The following DHH variants were observed in gnomAD, a reference collection of about 807,000 sequenced individuals.
DHH encodes desert hedgehog signaling molecule.
Under a neutral mutation model 27.6 loss-of-function variants are expected in DHH, and 16 were observed. The observed-to-expected ratio is 0.58, with a 90% CI of 0.39 to 0.88. DHH has a LOEUF of 0.88. Ranked by LOEUF, DHH falls within the 40% of genes least tolerant of loss-of-function variation. The pLI is 0.00. For missense variants in DHH, 436 were observed against 563.1 expected (o/e 0.77, Z 2.28); for synonymous variants, 289 against 263.4 (o/e 1.10, Z -0.94).
chr12:49,091,080 G>T lies in DHH; in HGVS notation c.565+48C>A. 1 of 1,613,842 alleles carries T rather than the reference G, an allele frequency of 6.2e-7. No individual in the cohort carries two copies. Among genetic ancestry groups the T allele is most frequent in the Non-Finnish European group, 8.5e-7 (1 of 1,179,802 alleles). ...AGTACTACTGCAGACTCAGTTTCCC[G>T]GAGGGAGCCCCCTTTGGGCGGATTT... On this transcript the variant is annotated intron_variant, in intron 2 of 2. Transcript: ENST00000649637. The surrounding 1 kb of genome is among the most constrained non-coding windows in gnomAD (Gnocchi z 4.8).
In DHH at chr12:49,087,258, G is replaced by A. The variant is rs933277900; in HGVS notation, c.*2601C>T. 1.3e-5 allele frequency among the ~76,000 whole-genome samples: 2 copies of A among 151,886 alleles called. No individual in the cohort carries two copies. Among genetic ancestry groups the A allele is most frequent in the Non-Finnish European group, 2.9e-5 (2 of 67,980 alleles). ...TAAAGATAATAAAGGGAGGAAGTGA[G>A]GGTTGAGAGGTAAGCCTCAAGCCTA... On this transcript the variant is annotated 3_prime_UTR_variant, in exon 3 of 3. Coordinates refer to ENST00000649637, the MANE Select transcript of DHH (RefSeq NM_021044.4).
Position 49,089,686 on chromosome 12 carries a change from G to C in DHH, c.*173C>G. The C allele has an allele frequency of 1.2e-6, 1 of 800,186 alleles. No homozygotes were observed. Among genetic ancestry groups the C allele is most frequent in the Non-Finnish European group, 1.8e-6 (1 of 549,384 alleles). 49.6% of individuals were successfully genotyped at this position (800,186 alleles called of 1,614,324 possible). ...ATCAGCCCTACCTACCTAGGACCCG[G>C]TATCACCTCCTCTCAGTACGAGGTT... On this transcript the variant is annotated 3_prime_UTR_variant, in exon 3 of 3. Coordinates refer to ENST00000649637, the MANE Select transcript of DHH (RefSeq NM_021044.4).
rs919294633 is a variant in DHH, at chr12:49,087,424, T to C, written c.*2435A>G. The stretch of plus-strand genomic sequence containing the variant: ...TTAAAGGTTAAAACTGTAAGATATA[T>C]GTATTACTGCTGGGCACAGGGGCTC... On this transcript the variant is annotated 3_prime_UTR_variant, in exon 3 of 3. Transcript: ENST00000649637. Among the ~76,000 whole-genome samples the C allele has an allele frequency of 6.6e-6, 1 of 152,194 alleles. No individual in the cohort carries two copies. The highest frequency in any genetic ancestry group is 1.5e-5 in the Non-Finnish European group (1 of 68,022).
rs1939299413 is a variant in DHH at position 49,091,330 on chromosome 12, C to G, written c.363G>C (p.Val121=). 3.7e-6 allele frequency: 6 copies of G among 1,614,232 alleles called. No homozygotes were observed. The highest frequency in any genetic ancestry group is 5.1e-6 in the Non-Finnish European group (6 of 1,180,040). ...AIAVMNMWPG[V]RLRVTEGWDE... ...CCCAGCCCTCAGTCACTCGTAGGCG[C>G]ACTCCGGGCCACATGTTCATCACGG... The change falls in exon 2 of 3, where the codon GTG becomes GTC. Residue 121 remains valine (V), a synonymous_variant. Coordinates refer to ENST00000649637, the MANE Select transcript of DHH (RefSeq NM_021044.4). The surrounding 1 kb of genome is among the most constrained non-coding windows in gnomAD (Gnocchi z 4.8).
chr12:49,090,061 G>T lies in DHH; in HGVS notation c.989C>A (p.Ala330Glu), dbSNP rs748134770. Residue 330 changes from alanine to glutamate, a missense_variant, in exon 3 of 3, where the codon GCG (alanine) becomes GAG (glutamate). Coordinates refer to ENST00000649637, the MANE Select transcript of DHH (RefSeq NM_021044.4). This position sits in a 1 kb window ranked among gnomAD's most constrained non-coding sequence, Gnocchi z 5.2. ...EAVGVFAPLT[A>E]HGTLLVNDVL... is the part of the protein sequence containing the mutation. The stretch of plus-strand genomic sequence containing the variant: ...ATCGTTCACCAGCAGCGTCCCGTGC[G>T]CGGTGAGCGGCGCGAACACGCCCAC... 1.9e-6 allele frequency: 3 copies of T among 1,539,738 alleles called. No homozygotes were observed. The Admixed American group carries it at 6.0e-5, about 31-fold the overall frequency.
At position 49,087,118 on chromosome 12, in the gene DHH, G is replaced by A. The variant is rs1187244539; in HGVS notation, c.*2741C>T. 6.6e-6 allele frequency among the ~76,000 whole-genome samples: 1 copy of A among 151,982 alleles called. No homozygotes were observed. Among genetic ancestry groups the A allele is most frequent in the South Asian group, 2.1e-4 (1 of 4,818 alleles). ...GTGAAAGGTGCTGCAATTGGGAGGTGTTGCATGGCCAAGTGAATATGCCCA... is the reference window on the plus strand; with the variant it reads ...GTGAAAGGTGCTGCAATTGGGAGGTATTGCATGGCCAAGTGAATATGCCCA... On this transcript the variant is annotated 3_prime_UTR_variant, in exon 3 of 3. Coordinates refer to ENST00000649637, the MANE Select transcript of DHH (RefSeq NM_021044.4).
rs1939369351 is a variant in DHH at position 49,094,573 on chromosome 12, T to C, written c.-61A>G. On this transcript the variant is annotated 5_prime_UTR_variant, in exon 1 of 3. Coordinates refer to ENST00000649637, the MANE Select transcript of DHH (RefSeq NM_021044.4). Reference sequence around the variant, plus strand: ...TGTCCTCACTAACTCTCCTGTCAGTTAGGCATCTCCACAGGCACCAGAGAG... The same window carrying C: ...TGTCCTCACTAACTCTCCTGTCAGTCAGGCATCTCCACAGGCACCAGAGAG... The C allele has an allele frequency of 3.3e-6, 5 of 1,526,796 alleles. No homozygotes were observed. The Middle Eastern group carries it at 5.3e-4, about 163-fold the overall frequency. 94.6% of individuals were successfully genotyped at this position (1,526,796 alleles called of 1,614,324 possible).
rs934343466 is a variant in DHH at position 49,091,756 on chromosome 12, A to G, written c.304-367T>C. Among the ~76,000 whole-genome samples the G allele has an allele frequency of 2.0e-5, 3 of 152,066 alleles. No homozygotes were observed. Among genetic ancestry groups the G allele is most frequent in the African/African-American group, 7.2e-5 (3 of 41,416 alleles). Reference sequence around the variant, plus strand: ...AGGGAGGGCCTGGTTGCTCCCGGAGAGCCCCTGTTTGAGCCTGGCCCCCGC... The same window carrying G: ...AGGGAGGGCCTGGTTGCTCCCGGAGGGCCCCTGTTTGAGCCTGGCCCCCGC... On this transcript the variant is annotated intron_variant, in intron 1 of 2. Transcript: ENST00000649637. The surrounding 1 kb of genome is among the most constrained non-coding windows in gnomAD (Gnocchi z 4.8).
Position 49,091,395 on chromosome 12 carries a change from G to C in DHH, c.304-6C>G. The C allele has an allele frequency of 6.2e-7, 1 of 1,613,860 alleles. No homozygotes were observed. The highest frequency in any genetic ancestry group is 8.5e-7 in the Non-Finnish European group (1 of 1,179,998). ...TTCACCCGCTCCTTACAACGCTGGCGGGGAATAAAGGAGTCAGTCTCCCCA... is the reference window on the plus strand; with the variant it reads ...TTCACCCGCTCCTTACAACGCTGGCCGGGAATAAAGGAGTCAGTCTCCCCA... On this transcript the variant is annotated splice_region_variant and splice_polypyrimidine_tract_variant and intron_variant, in intron 1 of 2. Coordinates refer to ENST00000649637, the MANE Select transcript of DHH (RefSeq NM_021044.4). The surrounding 1 kb of genome is among the most constrained non-coding windows in gnomAD (Gnocchi z 4.8).
chr12:49,094,072 C>T (rs1592187447), intron 1 of DHH, 138 bp downstream of exon 1: 2 of 980,360 alleles, frequency 2.0e-6, no homozygotes, highest in East Asian at 5.2e-5. Flanking sequence ...GATTTTTCCC[C>T]CCCCTGGGGC....
At chr12:49,092,556 A>C (rs1367183100) in intron 1 of DHH, among the ~76,000 whole-genome samples, 1 of 152,096 alleles carries the variant, frequency 6.6e-6, no homozygotes, top group Non-Finnish European at 1.5e-5. Context: ...TAACAGAAAG[A>C]CACTTTTCCC....
Position 49,090,129 on chromosome 12 carries a change from C to G in DHH, c.921G>C (p.Ala307=). The change falls in exon 3 of 3, where the codon GCG becomes GCC. Residue 307 remains alanine, a synonymous_variant. Coordinates refer to ENST00000649637, the MANE Select transcript of DHH (RefSeq NM_021044.4). The surrounding 1 kb of genome is among the most constrained non-coding windows in gnomAD (Gnocchi z 5.2). ...GDSVLAPGGD[A]LRPARVARVA... ...CACGGGCCACGCGCGCTGGCCGAAG[C>G]GCATCCCCGCCGGGCGCCAGCACCG... 1.3e-6 allele frequency: 2 copies of G among 1,506,954 alleles called. No individual in the cohort carries two copies. Among genetic ancestry groups the G allele is most frequent in the Non-Finnish European group, 8.9e-7 (1 of 1,128,658 alleles). The allele number at this position is 1,506,954 out of a possible 1,614,324, so 93.3% of individuals were successfully genotyped here.
Position 49,090,401 on chromosome 12 carries a change from G to T in DHH, c.649C>A (p.Arg217=), listed in dbSNP as rs765953413. Residue 217 remains arginine (R), a synonymous_variant, in exon 3 of 3, where the codon CGG becomes AGG. Transcript: ENST00000649637. This position sits in a 1 kb window ranked among gnomAD's most constrained non-coding sequence, Gnocchi z 5.2. ...RLWSGERKGL[R]ELHRGDWVLA... ...ACCCAGTCTCCGCGGTGCAGTTCCC[G>T]CAGCCCTTTCCGCTCGCCGCTCCAC... The T allele has an allele frequency of 1.9e-6, 3 of 1,609,504 alleles. No homozygotes were observed. The highest frequency in any genetic ancestry group is 1.3e-5 in the African/African-American group (1 of 74,910).
At position 49,089,813 on chromosome 12, in the gene DHH, G is replaced by C. The variant is rs753062426; in HGVS notation, c.*46C>G. 2.8e-5 allele frequency: 42 copies of C among 1,482,782 alleles called. 1 individual carries two copies. The East Asian group carries it at 1.1e-3, about 38-fold the overall frequency. 91.9% of individuals were successfully genotyped at this position (1,482,782 alleles called of 1,614,324 possible). A position where few individuals can be genotyped will look rare whatever the true frequency, so the allele number is the denominator to read the frequency against. On this transcript the variant is annotated 3_prime_UTR_variant, in exon 3 of 3. Transcript: ENST00000649637. ...CCACAGCCCCATATCTCAGCCAGCA[G>C]GCCCTCGTTTCCTCGGGCGCTTCGA...
In DHH at chr12:49,090,220, C is replaced by G; in HGVS notation, c.830G>C (p.Arg277Pro). Residue 277 changes from arginine to proline, a missense_variant, in exon 3 of 3, where the codon CGA (arginine) becomes CCA (proline). Arg to Pro is a moderately radical substitution (Grantham distance 103). Coordinates refer to ENST00000649637, the MANE Select transcript of DHH (RefSeq NM_021044.4). This position sits in a 1 kb window ranked among gnomAD's most constrained non-coding sequence, Gnocchi z 5.2. ...LTPWHLVFAA[R>P]GPAPAPGDFA... ...GTCGCCTGGCGCGGGCGCCGGCCCT[C>G]GAGCGGCAAACACCAGGTGCCAGGG... The G allele has an allele frequency of 2.6e-6, 4 of 1,555,218 alleles. No homozygotes were observed. Among genetic ancestry groups the G allele is most frequent in the Non-Finnish European group, 3.5e-6 (4 of 1,149,962 alleles).
Position 49,090,063 on chromosome 12 carries a change from G to A in DHH, c.987C>T (p.Thr329=), listed in dbSNP as rs772094316. 41 of 1,539,434 alleles carry A rather than the reference G, an allele frequency of 2.7e-5. No individual in the cohort carries two copies. In the South Asian group the frequency reaches 3.9e-4, roughly 14 times the overall value. ...EEAVGVFAPL[T]AHGTLLVNDV... is the part of the protein sequence containing the mutation. ...CGTTCACCAGCAGCGTCCCGTGCGC[G>A]GTGAGCGGCGCGAACACGCCCACGG... The change falls in exon 3 of 3, where the codon ACC becomes ACT. Residue 329 remains threonine (T), a synonymous_variant. Coordinates refer to ENST00000649637, the MANE Select transcript of DHH (RefSeq NM_021044.4). The surrounding 1 kb of genome is among the most constrained non-coding windows in gnomAD (Gnocchi z 5.2).
chr12:49,094,590 A>G lies in DHH; in HGVS notation c.-78T>C, dbSNP rs1051930264. On this transcript the variant is annotated 5_prime_UTR_variant, in exon 1 of 3. Coordinates refer to ENST00000649637, the MANE Select transcript of DHH (RefSeq NM_021044.4). Reference sequence around the variant, plus strand: ...CTGTCAGTTAGGCATCTCCACAGGCACCAGAGAGGGCAGCAGGCACAGCTG... The same window carrying G: ...CTGTCAGTTAGGCATCTCCACAGGCGCCAGAGAGGGCAGCAGGCACAGCTG... The G allele has an allele frequency of 8.7e-5, 130 of 1,486,370 alleles. No homozygotes were observed. Among genetic ancestry groups the G allele is most frequent in the Non-Finnish European group, 1.2e-4 (130 of 1,090,326 alleles). The allele number at this position is 1,486,370 out of a possible 1,614,324, so 92.1% of individuals were successfully genotyped here.
At position 49,090,454 on chromosome 12, in the gene DHH, C is replaced by A. The variant is rs1363648566; in HGVS notation, c.596G>T (p.Cys199Phe). 5.6e-6 allele frequency: 9 copies of A among 1,605,368 alleles called. No homozygotes were observed. The highest frequency in any genetic ancestry group is 7.6e-6 in the Non-Finnish European group (9 of 1,179,760). ...GCGCACAGTTGCATTTCCCGGAAAG[C>A]AGCCGCCCGCCCGGACCGCCAGTGA... ...DNSLAVRAGG[C>F]FPGNATVRLW... Residue 199 changes from cysteine to phenylalanine, a missense_variant, in exon 3 of 3, where the codon TGC (cysteine) becomes TTC (phenylalanine). Cys to Phe is a radical substitution (Grantham distance 205). Transcript: ENST00000649637. The surrounding 1 kb of genome is among the most constrained non-coding windows in gnomAD (Gnocchi z 5.2).
Position 49,089,716 on chromosome 12 carries a change from C to T in DHH, c.*143G>A. 1 of 1,213,544 alleles carries T rather than the reference C, an allele frequency of 8.2e-7. No individual in the cohort carries two copies. The allele number at this position is 1,213,544 out of a possible 1,614,324, so 75.2% of individuals were successfully genotyped here. Reference sequence around the variant, plus strand: ...ACCTCCTCTCAGTACGAGGTTGCCCCTAAGCCAGGCATAGCCCCATTTTCT... The same window carrying T: ...ACCTCCTCTCAGTACGAGGTTGCCCTTAAGCCAGGCATAGCCCCATTTTCT... On this transcript the variant is annotated 3_prime_UTR_variant, in exon 3 of 3. Coordinates refer to ENST00000649637, the MANE Select transcript of DHH (RefSeq NM_021044.4).
Sources: gnomAD v4.1 joint callset for allele counts (sites outside exome capture counted in the v4.1 genomes callset) on GRCh38, gnomAD v4.1.1 for gene constraint, Gnocchi (gnomAD v3.1) non-coding constraint, MANE v1.5 for transcripts, NCBI Gene and HGNC (gene_info 2026-07-23, HGNC 2026-07-21) for gene names.